SPATA3: variants seen among roughly 807,000 people sequenced by gnomAD.
The protein encoded by SPATA3 is spermatogenesis-associated protein 3.
A neutral mutation model predicts 5.7 loss-of-function variants in SPATA3; 6 were observed. The observed-to-expected ratio is 1.06, with a 90% confidence interval of 0.58 to 2.09. The LOEUF (loss-of-function observed/expected upper bound fraction) is 2.09. Among genes scored for constraint, SPATA3 ranks in the 30% most tolerant of loss-of-function variants. SPATA3 has a pLI of 0.00. For missense variants in SPATA3, 155 were observed against 130.4 expected, an observed-to-expected ratio of 1.19 and a Z score of -0.92; for synonymous variants, 44 against 48.4, an observed-to-expected ratio of 0.91 and a Z score of 0.37.
downstream of SPATA3, among the ~76,000 whole-genome samples, chr2:231,009,468 G>C (rs1366994331): frequency 6.6e-6 from 1 of 152,212 alleles, no homozygotes; most frequent in Non-Finnish European, 1.5e-5. Context: ...GCTGTGGGCT[G>C]TTAGTAGTGA....
At chr2:230,998,843 C>T (rs995767650) in intron 1 of SPATA3, among the ~76,000 whole-genome samples, 2 of 152,170 alleles carry the variant, frequency 1.3e-5, no homozygotes, top group East Asian at 3.9e-4. Flanking sequence ...CATGAAGTTA[C>T]CTTATGACCC....
chr2:231,011,112 A>G (rs1247500173), downstream of SPATA3, among the ~76,000 whole-genome samples: 2 of 148,852 alleles, frequency 1.3e-5, no homozygotes, highest in African/African-American at 2.5e-5. Flanking sequence ...AAAGCCATCA[A>G]TCAATTGGTT....
chr2:231,017,913 G>A (rs1692972265), intron 6 of SPATA3, among the ~76,000 whole-genome samples: 1 of 150,142 alleles, frequency 6.7e-6, no homozygotes, highest in Non-Finnish European at 1.5e-5. Flanking sequence ...ACTTTTAAAG[G>A]TCTGATAGAG....
At chr2:231,009,728 C>T (rs1328915474), downstream of SPATA3, among the ~76,000 whole-genome samples, 4 of 152,340 alleles carry the variant, frequency 2.6e-5, no homozygotes, top group African/African-American at 7.2e-5. Context: ...TTGACACATC[C>T]GCTACTCTGT....
At chr2:231,005,070 CCACCACCAT>C (rs1692503551), downstream of SPATA3, among the ~76,000 whole-genome samples, 2 of 101,402 alleles carry the variant, frequency 2.0e-5, no homozygotes, top group African/African-American at 7.8e-5. Flanking sequence ...ACCATCATCA[CCACCACCAT>C]CATCACCATC....
At chr2:230,998,229 A>G (rs1344454966) in intron 1 of SPATA3, among the ~76,000 whole-genome samples, 2 of 152,246 alleles carry the variant, frequency 1.3e-5, no homozygotes, top group Non-Finnish European at 2.9e-5. Context: ...GATGGAGATG[A>G]GAGTGCTAAA....
chr2:231,019,354 T>G (rs1234501882), intron 6 of SPATA3, among the ~76,000 whole-genome samples: 1 of 146,694 alleles, frequency 6.8e-6, no homozygotes, highest in Non-Finnish European at 1.5e-5. Flanking sequence ...GACAGAGTCT[T>G]GCACTGTTGC....
chr2:231,006,359 C>T (rs942751633), downstream of SPATA3, among the ~76,000 whole-genome samples: 65 of 151,888 alleles, frequency 4.3e-4, no homozygotes, highest in African/African-American at 1.3e-3. Context: ...AAAAAATAGC[C>T]GGGCGTGGTG....
chr2:230,998,621 C>T (rs528612894), intron 1 of SPATA3, among the ~76,000 whole-genome samples: 15 of 152,318 alleles, frequency 9.8e-5, no homozygotes, highest in African/African-American at 3.1e-4. Flanking sequence ...GCAAGTAAAG[C>T]GTGCCATTTT....
intron 5 of SPATA3, chr2:231,012,707 C>T (rs539641251): frequency 3.3e-5 from 5 of 152,108 alleles, no homozygotes; most frequent in East Asian, 1.9e-4. Context: ...GGTGAGTCCC[C>T]GTAGCTGAAC....
chr2:231,000,950 C>T (rs1692331619), intron 2 of SPATA3, among the ~76,000 whole-genome samples: 1 of 152,230 alleles, frequency 6.6e-6, no homozygotes, highest in Non-Finnish European at 1.5e-5. Flanking sequence ...AGGCAGGGGC[C>T]TTAGGTTCCT....
At chr2:231,008,947 G>A (rs114278547), downstream of SPATA3, among the ~76,000 whole-genome samples, 5 of 151,656 alleles carry the variant, frequency 3.3e-5, no homozygotes, top group South Asian at 8.3e-4. Flanking sequence ...AGGGTGAGCC[G>A]GCCTGTCTCC....
chr2:231,012,492 T>G (rs2175149), intron 4 of SPATA3: 2 of 152,050 alleles, frequency 1.3e-5, no homozygotes. Flanking sequence ...AATCTGATTA[T>G]ACCCTGGACA....
exon 2 of SPATA3, chr2:231,000,368 C>T (rs1246509439): frequency 1.3e-6 from 2 of 1,498,026 alleles, no homozygotes; most frequent in Non-Finnish European, 1.8e-6. Context: ...CCCCACAGGG[C>T]CTCTGATTCG....
intron 1 of SPATA3, among the ~76,000 whole-genome samples, chr2:230,998,201 G>T (rs1692202206): frequency 6.6e-6 from 1 of 152,146 alleles, no homozygotes; most frequent in Admixed American, 6.5e-5. Context: ...GGATTGTGTG[G>T]GCATAAAATA....
At chr2:230,998,389 ACTGG>A (rs1692210844) in intron 1 of SPATA3, among the ~76,000 whole-genome samples, 1 of 152,186 alleles carries the variant, frequency 6.6e-6, no homozygotes, top group Non-Finnish European at 1.5e-5. Context: ...GATCTTCAGA[ACTGG>A]CATCTTCAGT....
At chr2:231,018,767 C>A (rs191429408) in intron 6 of SPATA3, among the ~76,000 whole-genome samples, 2 of 151,332 alleles carry the variant, frequency 1.3e-5, no homozygotes, top group African/African-American at 4.9e-5. Context: ...CTCACTGCAA[C>A]CTCCACTTCC....
intron 6 of SPATA3, among the ~76,000 whole-genome samples, chr2:231,018,388 C>G (rs966829109): frequency 6.6e-6 from 1 of 152,086 alleles, no homozygotes; most frequent in Non-Finnish European, 1.5e-5. Context: ...ATCTCCTCCC[C>G]TCTCCTTCCC....
At chr2:231,013,610 C>T (rs1692849235) in intron 5 of SPATA3, among the ~76,000 whole-genome samples, 1 of 152,134 alleles carries the variant, frequency 6.6e-6, no homozygotes, top group Admixed American at 6.5e-5. Context: ...CCTGCCTCAG[C>T]CTCCCAAGTA....
Sources: gnomAD v4.1 joint callset for allele counts (sites outside exome capture counted in the v4.1 genomes callset) on GRCh38, gnomAD v4.1.1 for gene constraint, MANE v1.5 for transcripts, NCBI Gene and HGNC (gene_info 2026-07-23, HGNC 2026-07-21) for gene names.